The following SP4 variants were observed in gnomAD, a reference collection of about 807,000 sequenced individuals.
The protein encoded by SP4 is transcription factor Sp4.
SP4 carries 19 observed loss-of-function variants against 72.8 expected under a neutral mutation model. The observed-to-expected ratio is 0.26, with a 90% CI of 0.18 to 0.38. The LOEUF is 0.38. SP4 is among the 10% of genes least tolerant of loss of function. The pLI, the probability that SP4 is intolerant of heterozygous loss-of-function variation, is 1.00. For missense variants in SP4, 1,008 were observed against 926.3 expected, an observed-to-expected ratio of 1.09 and a Z score of -1.14; for synonymous variants, 395 against 333.1, an observed-to-expected ratio of 1.19 and a Z score of -2.02.
intron 5 of SP4, among the ~76,000 whole-genome samples, chr7:21,490,525 A>G (rs1784948086): frequency 6.6e-6 from 1 of 152,222 alleles, no homozygotes; most frequent in African/African-American, 2.4e-5. Context: ...AGGTGGTCCC[A>G]GTCGTGGTGT....
chr7:21,473,771 G>T (rs1784416062), intron 3 of SP4, among the ~76,000 whole-genome samples: 1 of 152,170 alleles, frequency 6.6e-6, no homozygotes. Context: ...CCCTAAGAAG[G>T]AAATGAGCTT....
At chr7:21,502,363 C>T (rs1467240588) in intron 5 of SP4, among the ~76,000 whole-genome samples, 1 of 152,060 alleles carries the variant, frequency 6.6e-6, no homozygotes, top group African/African-American at 2.4e-5. Context: ...GAACTCTGCC[C>T]CCTGCCTGGA....
At chr7:21,475,982 C>G (rs1425454908) in intron 3 of SP4, among the ~76,000 whole-genome samples, 2 of 151,986 alleles carry the variant, frequency 1.3e-5, no homozygotes, top group Non-Finnish European at 2.9e-5. Context: ...AATTATAAGG[C>G]ATTGTAGGCC....
At chr7:21,475,871 A>G (rs1400687432) in intron 3 of SP4, among the ~76,000 whole-genome samples, 1 of 152,238 alleles carries the variant, frequency 6.6e-6, no homozygotes, top group Non-Finnish European at 1.5e-5. Context: ...TCTGAGGTAG[A>G]AACATTCTTT....
intron 5 of SP4, among the ~76,000 whole-genome samples, chr7:21,506,348 G>GC (rs962265556): frequency 6.6e-6 from 1 of 152,086 alleles, no homozygotes; most frequent in Non-Finnish European, 1.5e-5. Flanking sequence ...AGGTGCTCCT[G>GC]CCCCCGACTA....
chr7:21,513,874 G>A lies in SP4; in HGVS notation c.*2605G>A, dbSNP rs1782205686. The A allele has an allele frequency of 6.6e-6, 1 of 152,218 alleles. No individual in the cohort carries two copies. The highest frequency in any genetic ancestry group is 2.1e-4 in the South Asian group (1 of 4,832). 9.4% of individuals were successfully genotyped at this position (152,218 alleles called of 1,614,324 possible). A position where few individuals can be genotyped will look rare whatever the true frequency, so the allele number is the denominator to read the frequency against. On this transcript the variant is annotated 3_prime_UTR_variant, in exon 6 of 6. Transcript: ENST00000222584. ...GAAATTAGAAATATTTTGACAGTCT[G>A]TTCTGCATACCATTCTGAGTCTACT...
intron 5 of SP4, among the ~76,000 whole-genome samples, chr7:21,483,273 C>T (rs1784736245): frequency 6.6e-6 from 1 of 151,504 alleles, no homozygotes; most frequent in Admixed American, 6.6e-5. Flanking sequence ...CAGAAGTTTT[C>T]CTTATTTATA....
At chr7:21,488,051 A>G (rs1240708882) in intron 5 of SP4, among the ~76,000 whole-genome samples, 5 of 151,796 alleles carry the variant, frequency 3.3e-5, no homozygotes, top group Middle Eastern at 3.2e-3. Context: ...TTTTGCAGAG[A>G]CAGATTTTTC....
Position 21,481,930 on chromosome 7 carries a change from T to A in SP4, c.1914T>A (p.Ser638Arg), listed in dbSNP as rs1784701027. ...PNCREGEGRG[S>R]NEPGKKKQHI... ...CGGTTTTTGTTTTTGCTAGAGGCAGTAATGAACCAGGAAAAAAGAAGCAGC... is the reference window on the plus strand; with the variant it reads ...CGGTTTTTGTTTTTGCTAGAGGCAGAAATGAACCAGGAAAAAAGAAGCAGC... Residue 638 changes from serine (S) to arginine (R), a missense_variant, in exon 5 of 6, where the codon AGT (serine) becomes AGA (arginine). By Grantham distance (110) the Ser-to-Arg change is moderately radical. Transcript: ENST00000222584. 6.2e-7 allele frequency: 1 copy of A among 1,613,400 alleles called. No individual in the cohort carries two copies. The highest frequency in any genetic ancestry group is 1.3e-5 in the African/African-American group (1 of 74,918).
chr7:21,428,335 C>T, intron 1 of SP4, 77 bp downstream of exon 1: 1 of 745,516 alleles, frequency 1.3e-6, no homozygotes, highest in South Asian at 1.5e-5. Context: ...GCTCGGTTCT[C>T]CCCCCTCCCC....
At chr7:21,457,557 A>G (rs1349142398) in intron 3 of SP4, among the ~76,000 whole-genome samples, 1 of 152,220 alleles carries the variant, frequency 6.6e-6, no homozygotes, top group Non-Finnish European at 1.5e-5. Context: ...AATAAGAACA[A>G]TTGCATGTTC....
intron 3 of SP4, among the ~76,000 whole-genome samples, chr7:21,449,808 G>A (rs1783535931): frequency 6.6e-6 from 1 of 152,094 alleles, no homozygotes; most frequent in South Asian, 2.1e-4. Context: ...TCAGGCTTAA[G>A]TAGACATTCA....
chr7:21,481,113 AC>A (rs1784672897), intron 4 of SP4, among the ~76,000 whole-genome samples: 1 of 152,092 alleles, frequency 6.6e-6, no homozygotes, highest in African/African-American at 2.4e-5. Context: ...GGCAACCTGG[AC>A]CCCAGTATTT....
At chr7:21,431,527 A>G (rs911647222) in intron 3 of SP4, among the ~76,000 whole-genome samples, 1 of 152,212 alleles carries the variant, frequency 6.6e-6, no homozygotes, top group Non-Finnish European at 1.5e-5. Flanking sequence ...TGTTTAATGT[A>G]AGGTTGGTGG....
At chr7:21,437,333 C>A (rs1783081283) in intron 3 of SP4, among the ~76,000 whole-genome samples, 2 of 152,100 alleles carry the variant, frequency 1.3e-5, no homozygotes, top group Admixed American at 1.3e-4. Context: ...AGATGAGTAT[C>A]CAAAGGAAAT....
chr7:21,459,512 C>T (rs530256617), intron 3 of SP4, among the ~76,000 whole-genome samples: 12 of 152,156 alleles, frequency 7.9e-5, no homozygotes, highest in Non-Finnish European at 1.5e-4. Context: ...AGATACTAAC[C>T]ATAAACTCTT....
intron 3 of SP4, among the ~76,000 whole-genome samples, chr7:21,433,003 A>G (rs1782916951): frequency 6.6e-6 from 1 of 152,176 alleles, no homozygotes; most frequent in Non-Finnish European, 1.5e-5. Context: ...CAAACAAACA[A>G]ACTCACTGAA....
chr7:21,472,997 G>T (rs1784395767), intron 3 of SP4, among the ~76,000 whole-genome samples: 1 of 152,204 alleles, frequency 6.6e-6, no homozygotes, highest in African/African-American at 2.4e-5. Flanking sequence ...GTAAGTCCTT[G>T]TGGTAGAGTG....
intron 3 of SP4, among the ~76,000 whole-genome samples, chr7:21,443,684 G>T (rs982892836): frequency 5.9e-5 from 9 of 152,164 alleles, no homozygotes; most frequent in Non-Finnish European, 1.0e-4. Flanking sequence ...GCTGGGAAAG[G>T]GGTGGAAAAT....
Sources: gnomAD v4.1 joint callset for allele counts (sites outside exome capture counted in the v4.1 genomes callset) on GRCh38, gnomAD v4.1.1 for gene constraint, MANE v1.5 for transcripts, NCBI Gene and HGNC (gene_info 2026-07-23, HGNC 2026-07-21) for gene names.